WASHC2A: variants seen among roughly 807,000 people sequenced by gnomAD.
WASHC2A encodes the protein WASH complex subunit 2A, also known as WASH complex subunit FAM21A.
Under a neutral mutation model 140.3 loss-of-function variants are expected in WASHC2A, and 82 were observed. The ratio of observed to expected loss-of-function variants is 0.58; its 90% CI spans 0.49 to 0.70. WASHC2A has a LOEUF of 0.70. WASHC2A is among the 30% of genes least tolerant of loss of function. The pLI is 0.00. For synonymous variants in WASHC2A, 340 were observed against 560.8 expected, an observed-to-expected ratio of 0.61 and a Z score of 5.56; for missense variants, 985 against 1,521.8, an observed-to-expected ratio of 0.65 and a Z score of 5.87.
At chr10:50,124,869 C>CATATATATATAT (rs3067568) in intron 23 of WASHC2A, among the ~76,000 whole-genome samples, 1 of 149,184 alleles carries the variant, frequency 6.7e-6, no homozygotes, top group African/African-American at 2.5e-5. Flanking sequence ...AAAGCTTGTG[C>CATATATATATAT]ATATATATAT....
At chr10:50,128,991 C>T (rs1203182865) in intron 28 of WASHC2A, among the ~76,000 whole-genome samples, 4 of 151,840 alleles carry the variant, frequency 2.6e-5, no homozygotes, top group Non-Finnish European at 2.9e-5. Flanking sequence ...TTTAGACTAG[C>T]CCCCTAACAA....
chr10:50,124,264 C>G (rs11004015), intron 23 of WASHC2A, among the ~76,000 whole-genome samples: 1 of 151,204 alleles, frequency 6.6e-6, no homozygotes, highest in South Asian at 2.1e-4. Context: ...CCACCACACC[C>G]GGCTGATCTT....
chr10:50,109,197 T>C (rs1432442745), intron 19 of WASHC2A, among the ~76,000 whole-genome samples: 2 of 152,184 alleles, frequency 1.3e-5, no homozygotes, highest in African/African-American at 4.8e-5. Context: ...GACTCTAGAC[T>C]CCAGAGATAG....
intron 17 of WASHC2A, among the ~76,000 whole-genome samples, chr10:50,101,341 C>A (rs1226479226): frequency 6.6e-6 from 1 of 152,312 alleles, no homozygotes; most frequent in Non-Finnish European, 1.5e-5. Context: ...CTTGCTTCCT[C>A]ACTCTTCGAT....
At position 50,080,226 on chromosome 10, in the gene WASHC2A, A is replaced by G. The variant is rs2132424526; in HGVS notation, c.355-532A>G. On this transcript the variant is annotated intron_variant, in intron 4 of 30. Transcript: ENST00000282633. Reference sequence around the variant, plus strand: ...GGCATTGTTGTAGGGTATACACAGAATAGACCGGAGATGAAAATGACCCCC... The same window carrying G: ...GGCATTGTTGTAGGGTATACACAGAGTAGACCGGAGATGAAAATGACCCCC... 1.3e-5 allele frequency among the ~76,000 whole-genome samples: 2 copies of G among 152,298 alleles called. 1 individual carries two copies. The highest frequency in any genetic ancestry group is 2.9e-5 in the Non-Finnish European group (2 of 68,024).
intron 13 of WASHC2A, among the ~76,000 whole-genome samples, chr10:50,094,415 G>A (rs1177104535): frequency 3.0e-4 from 44 of 147,790 alleles, no homozygotes; most frequent in African/African-American, 6.2e-4. Flanking sequence ...GTGATCACCC[G>A]CCTAGACCTG....
chr10:50,112,160 T>G (rs1253043138), intron 20 of WASHC2A: 1 of 983,666 alleles, frequency 1.0e-6, no homozygotes, highest in Non-Finnish European at 1.2e-6. Context: ...CAGGTTAGCT[T>G]ATTCCCATGA....
intron 20 of WASHC2A, 75 bp downstream of exon 20, chr10:50,110,345 G>A: frequency 6.2e-7 from 1 of 1,600,592 alleles, no homozygotes; most frequent in Non-Finnish European, 8.5e-7. Flanking sequence ...GCACAATCTA[G>A]TTCATCGGGT....
Position 50,106,451 on chromosome 10 carries a change from A to G in WASHC2A, c.1855A>G (p.Ser619Gly), listed in dbSNP as rs782027485. ...SKKKASALLF[S>G]SDEEDQWNIP... is the part of the protein sequence containing the mutation. ...AAAGAAAGCATCTGCCCTGTTGTTC[A>G]GCAGTGATGAGGAGGTGAGCTGAGG... Residue 619 changes from serine (S) to glycine (G), a missense_variant, in exon 19 of 31, where the codon AGC (serine) becomes GGC (glycine). Coordinates refer to ENST00000282633, the MANE Select transcript of WASHC2A (RefSeq NM_001005751.3). The G allele has an allele frequency of 8.7e-6, 14 of 1,610,190 alleles. No homozygotes were observed. The East Asian group carries it at 3.1e-4, about 36-fold the overall frequency.
chr10:50,090,919 G>T (rs2132549914), intron 9 of WASHC2A, 33 bp downstream of exon 9: 1 of 1,604,420 alleles, frequency 6.2e-7, no homozygotes, highest in African/African-American at 1.3e-5. Context: ...TCACTTGGCA[G>T]AGTTTTAGAA....
At chr10:50,130,564 A>ATAATCAATAC (rs1843865247) in intron 29 of WASHC2A, among the ~76,000 whole-genome samples, 1 of 152,180 alleles carries the variant, frequency 6.6e-6, no homozygotes, top group Non-Finnish European at 1.5e-5. Flanking sequence ...AGATAATCAA[A>ATAATCAATAC]TACAAACAGG....
In WASHC2A at chr10:50,132,770, C is replaced by G. The variant is rs746495868; in HGVS notation, c.3887-36C>G. ...GTCTTAAAAGTACCTTTCTCCACCCCTCTTCAGCAACCGTTCTTCTTTTTT... is the reference window on the plus strand; with the variant it reads ...GTCTTAAAAGTACCTTTCTCCACCCGTCTTCAGCAACCGTTCTTCTTTTTT... On this transcript the variant is annotated intron_variant, in intron 30 of 30. Transcript: ENST00000282633. 6.8e-6 allele frequency: 11 copies of G among 1,611,922 alleles called. No individual in the cohort carries two copies. In the Admixed American group the frequency reaches 8.3e-5, roughly 12 times the overall value.
intron 19 of WASHC2A, among the ~76,000 whole-genome samples, chr10:50,109,120 A>C (rs1269149537): frequency 1.3e-5 from 2 of 152,082 alleles, no homozygotes; most frequent in Non-Finnish European, 2.9e-5. Context: ...TGATTCAGAA[A>C]ATAGGCGCGG....
At chr10:50,124,369 G>T (rs2133051851) in intron 23 of WASHC2A, among the ~76,000 whole-genome samples, 1 of 151,938 alleles carries the variant, frequency 6.6e-6, no homozygotes, top group Non-Finnish European at 1.5e-5. Context: ...CTCCCAAAGT[G>T]CTGGGATTAC....
In WASHC2A at chr10:50,106,444, G is replaced by A. The variant is rs1362274628; in HGVS notation, c.1848G>A (p.Leu616=). 1 of 1,611,310 alleles carries A rather than the reference G, an allele frequency of 6.2e-7. No individual in the cohort carries two copies. The highest frequency in any genetic ancestry group is 8.5e-7 in the Non-Finnish European group (1 of 1,179,700). The part of the protein sequence containing the change: ...SELSKKKASA[L]LFSSDEEDQW... The stretch of plus-strand genomic sequence containing the variant: ...TCTCCAAAAAGAAAGCATCTGCCCT[G>A]TTGTTCAGCAGTGATGAGGAGGTGA... Residue 616 remains leucine, a synonymous_variant, in exon 19 of 31, where the codon CTG becomes CTA. Transcript: ENST00000282633.
At chr10:50,077,463 C>G (rs1280683837) in intron 3 of WASHC2A, among the ~76,000 whole-genome samples, 1 of 152,134 alleles carries the variant, frequency 6.6e-6, no homozygotes, top group Non-Finnish European at 1.5e-5. Flanking sequence ...AAATACATCT[C>G]TTTTACATGT....
At chr10:50,093,735 T>A in intron 12 of WASHC2A, 125 bp from the exon 13 acceptor site, 1 of 559,494 alleles carries the variant, frequency 1.8e-6, no homozygotes, top group Non-Finnish European at 3.2e-6. Context: ...GCAACTGATT[T>A]TCTGGCAGAG....
At position 50,095,649 on chromosome 10, in the gene WASHC2A, C is replaced by T; in HGVS notation, c.1291C>T (p.Gln431Ter). 1 of 1,611,812 alleles carries T rather than the reference C, an allele frequency of 6.2e-7. No individual in the cohort carries two copies. The highest frequency in any genetic ancestry group is 1.1e-5 in the South Asian group (1 of 90,964). ...CTCCGTTCCATCAATGAAGGAGCCA[C>T]AGAAGCCTGAGCAGCCCACTCCAAG... ...AASVPSMKEP[Q>*]KPEQPTPRKS... Residue 431 changes from glutamine to a stop codon, truncating the protein, a stop_gained, in exon 15 of 31, where the codon CAG becomes TAG. Transcript: ENST00000282633. LOFTEE classifies it high-confidence loss of function.
rs1485180135 is a variant in WASHC2A, at chr10:50,130,901, G to A, written c.3709G>A (p.Asp1237Asn). ...TTGTATGTATTTTTGGCTTAACAAGGATGATATATTTGCTACGGAAGCAAT... is the reference window on the plus strand; with the variant it reads ...TTGTATGTATTTTTGGCTTAACAAGAATGATATATTTGCTACGGAAGCAAT... ...VILTTQDIFE[D>N]DIFATEAIKP... Residue 1237 changes from aspartate to asparagine, a missense_variant and splice_region_variant, in exon 30 of 31, where the codon GAT becomes AAT. Asp to Asn is a conservative substitution (Grantham distance 23). Transcript: ENST00000282633. The A allele has an allele frequency of 1.6e-5, 26 of 1,601,474 alleles. No homozygotes were observed. Among genetic ancestry groups the A allele is most frequent in the Non-Finnish European group, 2.2e-5 (26 of 1,177,282 alleles).
Sources: gnomAD v4.1 joint callset for allele counts (sites outside exome capture counted in the v4.1 genomes callset) on GRCh38, gnomAD v4.1.1 for gene constraint, MANE v1.5 for transcripts, NCBI Gene and HGNC (gene_info 2026-07-23, HGNC 2026-07-21) for gene names.